GABARAPL1: variants seen among roughly 807,000 people sequenced by gnomAD.
GABARAPL1 encodes the protein GABA type A receptor associated protein like 1, also known as gamma-aminobutyric acid receptor-associated protein-like 1.
GABARAPL1 carries 4 observed loss-of-function variants against 14.5 expected under a neutral mutation model. The ratio of observed to expected loss-of-function variants is 0.28; its 90% confidence interval spans 0.14 to 0.63. The LOEUF (loss-of-function observed/expected upper bound fraction) is 0.63, where lower values mean the gene tolerates loss of function less well. GABARAPL1 is among the 30% of genes least tolerant of loss of function. GABARAPL1 has a pLI of 0.84. For missense variants in GABARAPL1, 82 were observed against 139.2 expected, an observed-to-expected ratio of 0.59 and a Z score of 2.07; for synonymous variants, 47 against 50.6, an observed-to-expected ratio of 0.93 and a Z score of 0.30.
chr12:10,221,994 C>G lies in GABARAPL1; in HGVS notation c.*142C>G, dbSNP rs377274258. ...TCTAGAAACATTACACCACACACAC[C>G]GTCATCACATTTTCACATGCTCAAT... is the stretch of plus-strand genomic sequence containing the variant. On this transcript the variant is annotated 3_prime_UTR_variant, in exon 4 of 4. Transcript: ENST00000266458. The G allele has an allele frequency of 1.5e-6, 1 of 685,418 alleles. No homozygotes were observed. The highest frequency in any genetic ancestry group is 2.6e-6 in the Non-Finnish European group (1 of 390,844). The allele number at this position is 685,418 out of a possible 1,614,324, so 42.5% of individuals were successfully genotyped here.
chr12:10,215,902 T>G (rs1949085767), intron 1 of GABARAPL1, among the ~76,000 whole-genome samples: 1 of 151,876 alleles, frequency 6.6e-6, no homozygotes, highest in South Asian at 2.1e-4. Context: ...TTTGTTGTTT[T>G]TTTTTTTACT....
chr12:10,220,308 C>T, intron 2 of GABARAPL1, 132 bp from the exon 3 acceptor site: 1 of 1,293,982 alleles, frequency 7.7e-7, no homozygotes, highest in African/African-American at 1.5e-5. Context: ...TGGCTCTTCT[C>T]AGATGGTATA....
chr12:10,216,503 A>G (rs1326050999), intron 1 of GABARAPL1, among the ~76,000 whole-genome samples: 2 of 139,056 alleles, frequency 1.4e-5, no homozygotes, highest in Non-Finnish European at 1.6e-5. Context: ...TGCATTTCCC[A>G]TATGTTCTAA....
intron 2 of GABARAPL1, 102 bp from the exon 3 acceptor site, chr12:10,220,338 A>G (rs1399250636): frequency 1.9e-6 from 3 of 1,543,424 alleles, no homozygotes; most frequent in Non-Finnish European, 1.8e-6. Context: ...TACTGACTCT[A>G]AGGTGAAAAA....
At chr12:10,220,829 T>C in intron 3 of GABARAPL1, 2 of 1,424,054 alleles carry the variant, frequency 1.4e-6, no homozygotes, top group Non-Finnish European at 1.8e-6. Flanking sequence ...GACTGTTTAT[T>C]GAAACAGCAG....
At chr12:10,221,461 C>T (rs555029641) in intron 3 of GABARAPL1, 2 of 926,994 alleles carry the variant, frequency 2.2e-6, no homozygotes, top group African/African-American at 3.6e-5. Flanking sequence ...GCATATATTC[C>T]CTGTTAGTAT....
At chr12:10,218,311 C>G (rs5003527) in intron 2 of GABARAPL1, among the ~76,000 whole-genome samples, 170 bp downstream of exon 2, 3,850 of 152,280 alleles carry the variant, frequency 0.025, 165 homozygotes, top group African/African-American at 0.087. Context: ...CCCTGGCTCA[C>G]GCCTGTAATC....
chr12:10,213,393 G>T, intron 1 of GABARAPL1, 174 bp downstream of exon 1: 1 of 686,874 alleles, frequency 1.5e-6, no homozygotes. Flanking sequence ...AGACTGTAGA[G>T]CTTTTAAAAC....
chr12:10,221,748 AAT>A (rs1949121036), intron 3 of GABARAPL1, 37 bp from the exon 4 acceptor site: 3 of 1,609,542 alleles, frequency 1.9e-6, no homozygotes, highest in Admixed American at 1.7e-5. Flanking sequence ...CTAATGAATG[AAT>A]ATGTTTTCTA....
intron 3 of GABARAPL1, 190 bp downstream of exon 3, chr12:10,220,748 C>T (rs1949116669): frequency 1.9e-5 from 29 of 1,512,842 alleles, no homozygotes; most frequent in Non-Finnish European, 2.3e-5. Flanking sequence ...GGATTAGCCA[C>T]TCTACTAGAT....
chr12:10,218,752 A>AG (rs1429158706), intron 2 of GABARAPL1, among the ~76,000 whole-genome samples: 3 of 151,458 alleles, frequency 2.0e-5, no homozygotes, highest in Admixed American at 2.0e-4. Context: ...CTTGTAGCCC[A>AG]GGCTGGAGTG....
chr12:10,220,573 T>A lies in GABARAPL1; in HGVS notation c.288+15T>A. The A allele has an allele frequency of 6.2e-7, 1 of 1,614,094 alleles. No homozygotes were observed. Among genetic ancestry groups the A allele is most frequent in the African/African-American group, 1.3e-5 (1 of 75,034 alleles). The stretch of plus-strand genomic sequence containing the variant: ...AACTGTATGAGGTAATGGTTCTGGT[T>A]GCACAATACTGGATGCCGTCCAGTG... On this transcript the variant is annotated intron_variant, in intron 3 of 3. Coordinates refer to ENST00000266458, the MANE Select transcript of GABARAPL1 (RefSeq NM_031412.4).
intron 3 of GABARAPL1, chr12:10,221,490 A>T: frequency 4.4e-6 from 4 of 902,190 alleles, no homozygotes; most frequent in Non-Finnish European, 5.3e-6. Flanking sequence ...TTATATATCC[A>T]TCTGTGGTAT....
intron 1 of GABARAPL1, among the ~76,000 whole-genome samples, chr12:10,217,847 CTAGTT>C (rs1949099001): frequency 6.6e-6 from 1 of 151,948 alleles, no homozygotes; most frequent in Non-Finnish European, 1.5e-5. Flanking sequence ...TATACAATCT[CTAGTT>C]TATTTTTATT....
At chr12:10,219,798 T>A (rs1949110866) in intron 2 of GABARAPL1, among the ~76,000 whole-genome samples, 2 of 149,652 alleles carry the variant, frequency 1.3e-5, no homozygotes, top group Middle Eastern at 3.4e-3. Context: ...TAGAACTCTG[T>A]CTCGGAAAAA....
intron 1 of GABARAPL1, among the ~76,000 whole-genome samples, chr12:10,217,206 A>G (rs1949095501): frequency 6.6e-6 from 1 of 152,220 alleles, no homozygotes; most frequent in Non-Finnish European, 1.5e-5. Flanking sequence ...CAATATCTAT[A>G]AATGGCTTGT....
chr12:10,216,832 G>A (rs759207906), intron 1 of GABARAPL1, among the ~76,000 whole-genome samples: 4 of 151,986 alleles, frequency 2.6e-5, no homozygotes, highest in Non-Finnish European at 4.4e-5. Context: ...GAGCCATTGC[G>A]CCCGGCAATG....
At chr12:10,220,780 C>CT in intron 3 of GABARAPL1, 1 of 1,476,972 alleles carries the variant, frequency 6.8e-7, no homozygotes, top group African/African-American at 1.4e-5. Context: ...GAAATCTTGT[C>CT]TGACTATAGT....
At chr12:10,213,280 G>A in intron 1 of GABARAPL1, 61 bp downstream of exon 1, 1 of 1,061,768 alleles carries the variant, frequency 9.4e-7, no homozygotes, top group African/African-American at 1.6e-5. Flanking sequence ...GGGGCGGGTA[G>A]TCGAGATGGC....
Sources: gnomAD v4.1 joint callset for allele counts (sites outside exome capture counted in the v4.1 genomes callset) on GRCh38, gnomAD v4.1.1 for gene constraint, MANE v1.5 for transcripts, NCBI Gene and HGNC (gene_info 2026-07-23, HGNC 2026-07-21) for gene names.